The following CACNA2D3 variants were observed in gnomAD, a reference collection of about 807,000 sequenced individuals.
The protein encoded by CACNA2D3 is calcium voltage-gated channel auxiliary subunit alpha2delta 3.
In CACNA2D3, 60 loss-of-function variants were observed where a neutral mutation model predicts 160.6. The ratio of observed to expected loss-of-function variants is 0.37; its 90% CI spans 0.30 to 0.46. CACNA2D3 has a LOEUF of 0.46. Among genes scored for constraint, CACNA2D3 ranks in the 20% least tolerant of loss-of-function variants. CACNA2D3 has a pLI of 1.00. For synonymous variants in CACNA2D3, 558 were observed against 492.9 expected, an observed-to-expected ratio of 1.13 and a Z score of -1.75; for missense variants, 1,205 against 1,365.0, an observed-to-expected ratio of 0.88 and a Z score of 1.85.
chr3:54,412,910 A>C (rs1699693382), intron 4 of CACNA2D3, among the ~76,000 whole-genome samples: 1 of 151,594 alleles, frequency 6.6e-6, no homozygotes, highest in African/African-American at 2.4e-5. Flanking sequence ...TTTTGCTTTA[A>C]ATGGCTATCT....
chr3:54,835,635 G>A (rs1698661046), intron 14 of CACNA2D3, among the ~76,000 whole-genome samples: 2 of 152,298 alleles, frequency 1.3e-5, no homozygotes, highest in South Asian at 4.1e-4. Flanking sequence ...ATTATTCTGT[G>A]GAACTAAAGC....
intron 9 of CACNA2D3, among the ~76,000 whole-genome samples, chr3:54,626,880 G>T (rs561995493): frequency 2.6e-5 from 4 of 152,190 alleles, no homozygotes; most frequent in African/African-American, 7.2e-5. Flanking sequence ...TTGCCCCTTT[G>T]TTGGGAAGCA....
chr3:55,025,829 TC>T (rs1703553411), intron 35 of CACNA2D3, among the ~76,000 whole-genome samples: 1 of 151,948 alleles, frequency 6.6e-6, no homozygotes, highest in African/African-American at 2.4e-5. Flanking sequence ...GATTTTCCTT[TC>T]CAAGCTTTAT....
chr3:54,838,186 C>T (rs1452973293), intron 15 of CACNA2D3, among the ~76,000 whole-genome samples: 4 of 152,206 alleles, frequency 2.6e-5, no homozygotes, highest in Non-Finnish European at 5.9e-5. Flanking sequence ...AAGCAGTTAA[C>T]ATGCTGTCTT....
intron 3 of CACNA2D3, among the ~76,000 whole-genome samples, chr3:54,371,694 T>C (rs761512676): frequency 1.7e-4 from 26 of 152,288 alleles, no homozygotes; most frequent in Non-Finnish European, 2.8e-4. Flanking sequence ...TTAGCCCAAG[T>C]AGAAGCTGAG....
chr3:54,240,720 T>C (rs542552511), intron 2 of CACNA2D3, among the ~76,000 whole-genome samples: 5 of 152,228 alleles, frequency 3.3e-5, no homozygotes, highest in African/African-American at 1.2e-4. Context: ...AAATAAAGTT[T>C]GGAGTTTTGT....
At chr3:54,736,003 A>ATATG (rs1553813892) in intron 11 of CACNA2D3, among the ~76,000 whole-genome samples, 2 of 99,320 alleles carry the variant, frequency 2.0e-5, no homozygotes, top group African/African-American at 4.0e-5. Flanking sequence ...ACATATATAT[A>ATATG]TATGTATATA....
At chr3:54,607,202 A>G (rs1206818286) in intron 9 of CACNA2D3, among the ~76,000 whole-genome samples, 1 of 152,122 alleles carries the variant, frequency 6.6e-6, no homozygotes, top group African/African-American at 2.4e-5. Flanking sequence ...TACTTTCTGT[A>G]TCTCCAGTGG....
intron 2 of CACNA2D3, among the ~76,000 whole-genome samples, chr3:54,303,408 T>G (rs1453111280): frequency 6.6e-6 from 1 of 152,226 alleles, no homozygotes; most frequent in Non-Finnish European, 1.5e-5. Flanking sequence ...TTGGTTTGTT[T>G]ACTAAGAAGA....
chr3:54,236,487 A>G (rs542293612), intron 2 of CACNA2D3, among the ~76,000 whole-genome samples: 88 of 152,274 alleles, frequency 5.8e-4, no homozygotes, highest in Middle Eastern at 3.4e-3. Flanking sequence ...AAAAATACAT[A>G]CTGAAGTAAA....
chr3:54,400,382 C>G (rs1163970080), intron 4 of CACNA2D3, among the ~76,000 whole-genome samples: 4 of 151,926 alleles, frequency 2.6e-5, no homozygotes, highest in Admixed American at 2.0e-4. Context: ...AACCCTGAGC[C>G]CACGACTCCT....
chr3:55,008,888 TACACACACAC>T lies in CACNA2D3; in HGVS notation c.2820-472_2820-463del, dbSNP rs4024588. Among the ~76,000 whole-genome samples, 678 of 142,988 alleles carry T rather than the reference TACACACACAC, an allele frequency of 4.7e-3. 4 individuals are homozygous for T. Among genetic ancestry groups the T allele is most frequent in the African/African-American group, 0.016 (629 of 39,130 alleles). 93.8% of individuals were successfully genotyped at this position (142,988 alleles called of 152,430 possible). A position where few individuals can be genotyped will look rare whatever the true frequency, so the allele number is the denominator to read the frequency against. ...GAGAAGTCTGTTCCACCTCCCTCTA[TACACACACAC>T]ACACACACACACACACACACACACA... On this transcript the variant is annotated intron_variant, in intron 33 of 37. Transcript: ENST00000474759.
At chr3:54,532,670 A>G (rs1311667402) in intron 5 of CACNA2D3, among the ~76,000 whole-genome samples, 2 of 152,196 alleles carry the variant, frequency 1.3e-5, no homozygotes, top group Non-Finnish European at 2.9e-5. Context: ...CATGGTATAC[A>G]TACCATACAT....
intron 5 of CACNA2D3, among the ~76,000 whole-genome samples, chr3:54,509,771 CAT>C: frequency 6.6e-6 from 1 of 152,276 alleles, no homozygotes; most frequent in South Asian, 2.1e-4. Flanking sequence ...CAAATTTACT[CAT>C]AGTTTTTCTC....
intron 14 of CACNA2D3, among the ~76,000 whole-genome samples, chr3:54,833,794 C>T (rs1703929432): frequency 6.6e-6 from 1 of 152,054 alleles, no homozygotes; most frequent in African/African-American, 2.4e-5. Flanking sequence ...TAATTTTCTG[C>T]AAATGGTATT....
chr3:54,446,698 TG>T (rs1461860205), intron 4 of CACNA2D3, among the ~76,000 whole-genome samples: 1 of 152,166 alleles, frequency 6.6e-6, no homozygotes, highest in African/African-American at 2.4e-5. Context: ...AGCCTCATGA[TG>T]ATGGTGTCTA....
chr3:54,772,515 T>G (rs1193006733), intron 13 of CACNA2D3, among the ~76,000 whole-genome samples: 1 of 152,006 alleles, frequency 6.6e-6, no homozygotes, highest in Non-Finnish European at 1.5e-5. Flanking sequence ...TGACAAAACT[T>G]CCTTTCAGGG....
chr3:54,740,593 G>A (rs1017412784), intron 11 of CACNA2D3, among the ~76,000 whole-genome samples: 1 of 152,160 alleles, frequency 6.6e-6, no homozygotes, highest in African/African-American at 2.4e-5. Flanking sequence ...CTTCCACAAA[G>A]AGCTATGTCC....
chr3:54,324,921 C>CTCG (rs10699277), intron 3 of CACNA2D3, among the ~76,000 whole-genome samples: 2 of 151,536 alleles, frequency 1.3e-5, no homozygotes, highest in Non-Finnish European at 2.9e-5. Flanking sequence ...CAAGTCAGAG[C>CTCG]TCTTTGATAT....
Sources: gnomAD v4.1 joint callset for allele counts (sites outside exome capture counted in the v4.1 genomes callset) on GRCh38, gnomAD v4.1.1 for gene constraint, MANE v1.5 for transcripts, NCBI Gene and HGNC (gene_info 2026-07-23, HGNC 2026-07-21) for gene names.